PHF24: variants seen among roughly 807,000 people sequenced by gnomAD.
PHF24 encodes the protein Galpha inhibitory interacting protein.
Under a neutral mutation model 42.6 loss-of-function variants are expected in PHF24, and 25 were observed. The ratio of observed to expected loss-of-function variants is 0.59; its 90% confidence interval spans 0.43 to 0.82. PHF24 has a LOEUF of 0.82. PHF24 is among the 40% of genes least tolerant of loss of function. The pLI is 0.00. For missense variants in PHF24, 470 were observed against 538.1 expected (o/e 0.87, Z 1.25); for synonymous variants, 185 against 204.8 (o/e 0.90, Z 0.83).
the PHF24 span, among the ~76,000 whole-genome samples, chr9:34,770,772 C>A: frequency 1.6e-3 from 243 of 148,458 alleles, 2 homozygotes; most frequent in East Asian, 0.018. Context: ...ATTATCTATG[C>A]AAAAAAAAAT....
At chr9:34,898,395 C>T in the PHF24 span, among the ~76,000 whole-genome samples, 78 of 152,154 alleles carry the variant, frequency 5.1e-4, no homozygotes, top group Admixed American at 8.5e-4. Flanking sequence ...TATCACATTG[C>T]GGTTTTGATT....
chr9:34,701,069 T>C, the PHF24 span, among the ~76,000 whole-genome samples: 1 of 152,150 alleles, frequency 6.6e-6, no homozygotes, highest in Non-Finnish European at 1.5e-5. This position sits in a 1 kb window ranked among gnomAD's most constrained non-coding sequence, Gnocchi z 5.8. Context: ...ACAGGGTTCT[T>C]GGTTCAGCCT....
chr9:34,910,347 A>G, the PHF24 span, among the ~76,000 whole-genome samples: 29,952 of 152,044 alleles, frequency 0.2, 3,303 homozygotes, highest in East Asian at 0.49. Context: ...CTTAGAAATA[A>G]AAGTCACTCT....
At chr9:34,838,631 A>G in the PHF24 span, 1 of 556,394 alleles carries the variant, frequency 1.8e-6, no homozygotes, top group African/African-American at 1.9e-5. Context: ...ACTGCATCAC[A>G]AAGCCCTCCT....
At chr9:34,680,706 AT>A in the PHF24 span, among the ~76,000 whole-genome samples, 190 of 64,922 alleles carry the variant, frequency 2.9e-3, no homozygotes, top group African/African-American at 8.4e-3. Flanking sequence ...AAATAAATAA[AT>A]AAAAAAAAAA....
At chr9:34,783,858 A>G in the PHF24 span, among the ~76,000 whole-genome samples, 7 of 152,310 alleles carry the variant, frequency 4.6e-5, no homozygotes, top group African/African-American at 1.4e-4. Flanking sequence ...TTAACTTTTT[A>G]ATTGATGTAT....
chr9:34,866,227 G>A, the PHF24 span, among the ~76,000 whole-genome samples: 3 of 152,190 alleles, frequency 2.0e-5, no homozygotes, highest in Non-Finnish European at 4.4e-5. Flanking sequence ...ATTCTTAGGT[G>A]AAAGCAGAGT....
exon 8 of PHF24, chr9:34,978,351 G>A: frequency 1.8e-6 from 1 of 542,152 alleles, no homozygotes; most frequent in Non-Finnish European, 3.3e-6. Flanking sequence ...GACCGCCCCT[G>A]CCCCACATCA....
At chr9:34,813,400 A>G in the PHF24 span, among the ~76,000 whole-genome samples, 2 of 152,198 alleles carry the variant, frequency 1.3e-5, no homozygotes, top group African/African-American at 2.4e-5. Flanking sequence ...TTAAAACAAC[A>G]TACAATTTGT....
At chr9:34,914,072 G>A in the PHF24 span, among the ~76,000 whole-genome samples, 2 of 151,994 alleles carry the variant, frequency 1.3e-5, no homozygotes, top group African/African-American at 4.8e-5. Context: ...CCTTTCTCAG[G>A]TCTCCTAAAT....
exon 8 of PHF24, chr9:34,979,455 T>C (rs1273606187): frequency 1.3e-5 from 2 of 152,264 alleles, no homozygotes; most frequent in Non-Finnish European, 2.9e-5. Context: ...ACTCATCAAA[T>C]TCAAATTCTT....
the PHF24 span, among the ~76,000 whole-genome samples, chr9:34,761,998 C>A: frequency 6.6e-6 from 1 of 151,964 alleles, no homozygotes; most frequent in South Asian, 2.1e-4. Context: ...TTTCCAATTT[C>A]ATCCATGTCC....
At chr9:34,878,662 G>T in the PHF24 span, among the ~76,000 whole-genome samples, 1 of 152,222 alleles carries the variant, frequency 6.6e-6, no homozygotes, top group Non-Finnish European at 1.5e-5. Flanking sequence ...CAGCAAGGCT[G>T]GGGGAGGGGC....
chr9:34,864,707 A>G, the PHF24 span, among the ~76,000 whole-genome samples: 2 of 152,348 alleles, frequency 1.3e-5, no homozygotes, highest in Non-Finnish European at 2.9e-5. Flanking sequence ...ATCAAAAGGT[A>G]CAAAACTCAC....
upstream of PHF24, among the ~76,000 whole-genome samples, chr9:34,952,620 G>T (rs1826291400): frequency 6.6e-6 from 1 of 152,130 alleles, no homozygotes; most frequent in African/African-American, 2.4e-5. Flanking sequence ...TTACTAAAAA[G>T]CTATACTAAT....
At chr9:34,841,696 A>G in the PHF24 span, among the ~76,000 whole-genome samples, 1 of 152,122 alleles carries the variant, frequency 6.6e-6, no homozygotes, top group Non-Finnish European at 1.5e-5. Context: ...TGTCTCTACT[A>G]AAAATACAAA....
chr9:34,740,399 C>G, the PHF24 span, among the ~76,000 whole-genome samples: 2 of 152,230 alleles, frequency 1.3e-5, no homozygotes, highest in African/African-American at 4.8e-5. Context: ...GCAGCTAAGG[C>G]CAGGCAAGAA....
the PHF24 span, among the ~76,000 whole-genome samples, chr9:34,685,857 G>T: frequency 6.6e-6 from 1 of 152,174 alleles, no homozygotes; most frequent in Non-Finnish European, 1.5e-5. Flanking sequence ...TTCTCCATTT[G>T]TAATTAGGAG....
the PHF24 span, among the ~76,000 whole-genome samples, chr9:34,928,465 T>A: frequency 2.0e-5 from 3 of 152,280 alleles, no homozygotes; most frequent in South Asian, 2.1e-4. Context: ...AAAATTTTTT[T>A]AAAACCCACT....
Sources: allele counts gnomAD v4.1 joint callset (sites outside exome capture counted in the v4.1 genomes callset), GRCh38; gene constraint gnomAD v4.1.1; non-coding constraint Gnocchi (gnomAD v3.1); transcripts MANE v1.5; gene names NCBI Gene and HGNC (gene_info 2026-07-23, HGNC 2026-07-21).